Variants in TENM2 observed in about 807,000 individuals in gnomAD.
TENM2 encodes teneurin transmembrane protein 2.
Under a neutral mutation model 245.2 loss-of-function variants are expected in TENM2, and 52 were observed. The ratio of observed to expected loss-of-function variants is 0.21; its 90% CI spans 0.17 to 0.27. The LOEUF (loss-of-function observed/expected upper bound fraction) is 0.27, where lower values mean the gene tolerates loss of function less well. TENM2 is among the 10% of genes least tolerant of loss of function. The pLI is 1.00. For missense variants in TENM2, 3,046 were observed against 3,666.8 expected, an observed-to-expected ratio of 0.83 and a Z score of 4.37; for synonymous variants, 1,363 against 1,438.9, an observed-to-expected ratio of 0.95 and a Z score of 1.19.
At chr5:167,853,627 T>C (rs1294377123) in intron 2 of TENM2, among the ~76,000 whole-genome samples, 2 of 152,204 alleles carry the variant, frequency 1.3e-5, no homozygotes, top group African/African-American at 4.8e-5. Context: ...TGGCATATTT[T>C]ACTGGAAAGG....
intron 2 of TENM2, among the ~76,000 whole-genome samples, chr5:167,437,885 T>G (rs1764656557): frequency 6.6e-6 from 1 of 152,202 alleles, no homozygotes; most frequent in Non-Finnish European, 1.5e-5. Context: ...GGAGTCGAAT[T>G]AAACCTCTTT....
At chr5:168,191,901 G>A (rs375390189) in intron 14 of TENM2, among the ~76,000 whole-genome samples, 4 of 152,174 alleles carry the variant, frequency 2.6e-5, no homozygotes, top group East Asian at 1.9e-4. Context: ...AAGTTGGAGA[G>A]CCCCAATTCC....
At chr5:167,167,334 G>A in the TENM2 span, among the ~76,000 whole-genome samples, 2 of 152,184 alleles carry the variant, frequency 1.3e-5, no homozygotes, top group East Asian at 1.9e-4. Flanking sequence ...ATTTGTTCAC[G>A]CCCCAGGCCA....
chr5:167,141,818 G>A, the TENM2 span, among the ~76,000 whole-genome samples: 1 of 152,074 alleles, frequency 6.6e-6, no homozygotes, highest in Non-Finnish European at 1.5e-5. Flanking sequence ...GATTAAAACA[G>A]ATAATTTTCT....
intron 2 of TENM2, among the ~76,000 whole-genome samples, chr5:167,404,005 A>G (rs1052222370): frequency 6.6e-6 from 1 of 152,104 alleles, no homozygotes; most frequent in Non-Finnish European, 1.5e-5. Context: ...AACATGTGGA[A>G]CATGATAGGC....
At chr5:167,304,570 T>G (rs1755552685) in intron 1 of TENM2, among the ~76,000 whole-genome samples, 1 of 152,234 alleles carries the variant, frequency 6.6e-6, no homozygotes, top group Non-Finnish European at 1.5e-5. Flanking sequence ...ACAGACGTGA[T>G]TTGGTACTTA....
intron 2 of TENM2, among the ~76,000 whole-genome samples, chr5:167,566,100 T>A (rs547712833): frequency 2.0e-5 from 3 of 152,290 alleles, no homozygotes; most frequent in Non-Finnish European, 4.4e-5. Flanking sequence ...ATGATCTCAT[T>A]GAGATCCCTA....
At chr5:167,473,669 A>G (rs1362517850) in intron 2 of TENM2, among the ~76,000 whole-genome samples, 1 of 152,184 alleles carries the variant, frequency 6.6e-6, no homozygotes, top group East Asian at 1.9e-4. Context: ...TTGTGAGTCA[A>G]TGTCCAGTAG....
At chr5:168,092,110 G>A (rs1792994674) in intron 8 of TENM2, among the ~76,000 whole-genome samples, 1 of 152,120 alleles carries the variant, frequency 6.6e-6, no homozygotes, top group African/African-American at 2.4e-5. Flanking sequence ...ATTTTCCTGA[G>A]GGGCTCCCTG....
intron 2 of TENM2, among the ~76,000 whole-genome samples, chr5:167,629,938 G>T (rs534101616): frequency 6.6e-6 from 1 of 152,088 alleles, no homozygotes; most frequent in South Asian, 2.1e-4. Context: ...AGGAAGAGGG[G>T]AAATGGAACA....
At chr5:167,698,052 C>A (rs1399468997) in intron 2 of TENM2, among the ~76,000 whole-genome samples, 1 of 152,132 alleles carries the variant, frequency 6.6e-6, no homozygotes, top group Non-Finnish European at 1.5e-5. Context: ...GAAAATAAAT[C>A]TATCTCCAAA....
At chr5:168,006,133 G>C (rs1038549409) in intron 5 of TENM2, among the ~76,000 whole-genome samples, 1 of 152,196 alleles carries the variant, frequency 6.6e-6, no homozygotes, top group Non-Finnish European at 1.5e-5. Context: ...TCCACTGGAT[G>C]ATGAGGCTAC....
intron 5 of TENM2, among the ~76,000 whole-genome samples, chr5:168,031,305 C>A (rs1787124734): frequency 6.6e-6 from 1 of 152,152 alleles, no homozygotes; most frequent in Non-Finnish European, 1.5e-5. Flanking sequence ...TAAGTATTTT[C>A]CTATATTTCA....
intron 2 of TENM2, among the ~76,000 whole-genome samples, chr5:167,640,631 A>T (rs2150246411): frequency 6.6e-6 from 1 of 151,260 alleles, no homozygotes; most frequent in African/African-American, 2.4e-5. Flanking sequence ...AAAAAAAAAA[A>T]AAAAATTATT....
intron 3 of TENM2, among the ~76,000 whole-genome samples, chr5:167,921,041 A>G (rs1469077664): frequency 6.6e-6 from 1 of 152,212 alleles, no homozygotes; most frequent in Non-Finnish European, 1.5e-5. Context: ...ATTACTGCAA[A>G]TCTCAAGCAC....
At chr5:167,149,243 A>G in the TENM2 span, among the ~76,000 whole-genome samples, 2 of 149,934 alleles carry the variant, frequency 1.3e-5, no homozygotes, top group East Asian at 2.0e-4. Flanking sequence ...ATAGATTGCA[A>G]CCTCCCAGAG....
the TENM2 span, among the ~76,000 whole-genome samples, chr5:167,088,517 C>T: frequency 1.4e-4 from 21 of 151,994 alleles, no homozygotes; most frequent in Non-Finnish European, 2.8e-4. Context: ...ATCCCAGCTA[C>T]TCAAGAGGCT....
At chr5:168,139,591 T>C in intron 12 of TENM2, 1 of 456,234 alleles carries the variant, frequency 2.2e-6, no homozygotes. Flanking sequence ...GGGCCTCCAT[T>C]TGGTTAATGA....
chr5:168,149,323 C>T, intron 12 of TENM2: 1 of 455,800 alleles, frequency 2.2e-6, no homozygotes, highest in Non-Finnish European at 4.4e-6. Context: ...TATGAAAAAG[C>T]AACTTGGAGA....
Sources: allele counts gnomAD v4.1 joint callset (sites outside exome capture counted in the v4.1 genomes callset), GRCh38; gene constraint gnomAD v4.1.1; transcripts MANE v1.5; gene names NCBI Gene and HGNC (gene_info 2026-07-23, HGNC 2026-07-21).